The following ARHGAP15 variants were observed in gnomAD, a reference collection of about 807,000 sequenced individuals.
ARHGAP15 encodes the protein rho GTPase-activating protein 15.
Under a neutral mutation model 63.7 loss-of-function variants are expected in ARHGAP15, and 51 were observed. The ratio of observed to expected loss-of-function variants is 0.80; its 90% CI spans 0.64 to 1.01. ARHGAP15 has a LOEUF of 1.01. Among genes scored for constraint, ARHGAP15 ranks in the 50% least tolerant of loss-of-function variants. The pLI, the probability that ARHGAP15 is intolerant of heterozygous loss-of-function variation, is 0.00. For synonymous variants in ARHGAP15, 191 were observed against 193.8 expected (o/e 0.99, Z 0.12); for missense variants, 560 against 564.6 (o/e 0.99, Z 0.08).
chr2:143,225,807 C>G (rs999611038), intron 4 of ARHGAP15, among the ~76,000 whole-genome samples: 3 of 152,092 alleles, frequency 2.0e-5, no homozygotes, highest in African/African-American at 7.2e-5. Context: ...TGAAGCTAAG[C>G]ATAAACTAGA....
intron 12 of ARHGAP15, among the ~76,000 whole-genome samples, chr2:143,654,719 A>G (rs1404647793): frequency 1.3e-5 from 2 of 152,178 alleles, no homozygotes; most frequent in African/African-American, 2.4e-5. Flanking sequence ...AAGGGTTTTT[A>G]TTCTAAATCT....
intron 1 of ARHGAP15, among the ~76,000 whole-genome samples, chr2:143,150,819 TG>T (rs984027734): frequency 1.3e-5 from 2 of 151,732 alleles, no homozygotes; most frequent in Non-Finnish European, 2.9e-5. Flanking sequence ...ATGACATGAG[TG>T]GGTAACGTGT....
intron 12 of ARHGAP15, among the ~76,000 whole-genome samples, chr2:143,648,362 C>G (rs1470709990): frequency 6.6e-6 from 1 of 151,994 alleles, no homozygotes. Context: ...CAGTATTAGG[C>G]AGATCTAAGT....
chr2:143,350,225 T>A (rs920850862), intron 6 of ARHGAP15, among the ~76,000 whole-genome samples: 1 of 152,304 alleles, frequency 6.6e-6, no homozygotes, highest in African/African-American at 2.4e-5. Flanking sequence ...GCATATTTTT[T>A]AAAAAGCATA....
chr2:143,491,595 C>A (rs1692582880), intron 9 of ARHGAP15, among the ~76,000 whole-genome samples: 2 of 152,142 alleles, frequency 1.3e-5, no homozygotes, highest in Non-Finnish European at 2.9e-5. Flanking sequence ...AAATAGCACA[C>A]CTCAGGGATT....
intron 6 of ARHGAP15, among the ~76,000 whole-genome samples, chr2:143,308,514 ATACAC>A (rs1683286129): frequency 1.3e-5 from 2 of 151,812 alleles, no homozygotes; most frequent in Non-Finnish European, 2.9e-5. Flanking sequence ...ACACTACACA[ATACAC>A]TACACAGTGC....
chr2:143,424,557 T>C (rs1417664070), intron 6 of ARHGAP15, among the ~76,000 whole-genome samples: 1 of 152,018 alleles, frequency 6.6e-6, no homozygotes, highest in East Asian at 1.9e-4. Context: ...AGATGCTGTA[T>C]ACTTTCCTTC....
chr2:143,576,290 G>A (rs1422542050), intron 11 of ARHGAP15, among the ~76,000 whole-genome samples: 1 of 152,054 alleles, frequency 6.6e-6, no homozygotes, highest in African/African-American at 2.4e-5. Flanking sequence ...GCTGAGGCAG[G>A]AAAGACAAAT....
At chr2:143,201,020 C>A (rs7607591) in intron 2 of ARHGAP15, among the ~76,000 whole-genome samples, 5 of 151,968 alleles carry the variant, frequency 3.3e-5, no homozygotes, top group Non-Finnish European at 5.9e-5. Flanking sequence ...TTGTTTCTAC[C>A]CCACGATATA....
intron 12 of ARHGAP15, among the ~76,000 whole-genome samples, chr2:143,639,968 A>G (rs1680529050): frequency 6.6e-6 from 1 of 152,166 alleles, no homozygotes; most frequent in Non-Finnish European, 1.5e-5. Context: ...GGGACATTTT[A>G]AAATAAAATT....
intron 2 of ARHGAP15, among the ~76,000 whole-genome samples, chr2:143,173,192 A>G (rs570713143): frequency 2.0e-5 from 3 of 152,278 alleles, no homozygotes; most frequent in African/African-American, 7.2e-5. Context: ...ATTGGTATAT[A>G]TGACCTAAAA....
intron 2 of ARHGAP15, 126 bp from the exon 3 acceptor site, chr2:143,202,008 C>G (rs957092620): frequency 1.3e-6 from 1 of 759,400 alleles, no homozygotes. Flanking sequence ...AAAACATTTA[C>G]TTCTCATTTT....
chr2:143,538,395 G>A (rs1694879586), intron 10 of ARHGAP15, among the ~76,000 whole-genome samples: 1 of 152,068 alleles, frequency 6.6e-6, no homozygotes, highest in Non-Finnish European at 1.5e-5. Flanking sequence ...TGATTACCCT[G>A]GCCAGAACTT....
intron 6 of ARHGAP15, among the ~76,000 whole-genome samples, chr2:143,301,804 G>A: frequency 6.6e-6 from 1 of 151,460 alleles, no homozygotes; most frequent in East Asian, 1.9e-4. Flanking sequence ...CATCCGTCTA[G>A]ATATATATGT....
At chr2:143,298,308 T>C (rs555430218) in intron 6 of ARHGAP15, among the ~76,000 whole-genome samples, 121 of 152,092 alleles carry the variant, frequency 8.0e-4, no homozygotes, top group African/African-American at 2.8e-3. Context: ...ACACCTCAAA[T>C]TGATGTAATC....
At chr2:143,415,770 T>C (rs1688647628) in intron 6 of ARHGAP15, among the ~76,000 whole-genome samples, 1 of 152,152 alleles carries the variant, frequency 6.6e-6, no homozygotes, top group African/African-American at 2.4e-5. Context: ...GTGGTATATA[T>C]ATACAATGGA....
intron 3 of ARHGAP15, among the ~76,000 whole-genome samples, chr2:143,209,342 T>G (rs1692478375): frequency 6.6e-6 from 1 of 152,160 alleles, no homozygotes; most frequent in South Asian, 2.1e-4. Context: ...TCTCTAAGTT[T>G]TCATTATTTC....
intron 6 of ARHGAP15, among the ~76,000 whole-genome samples, chr2:143,396,607 G>A (rs1057233816): frequency 3.3e-5 from 4 of 120,060 alleles, no homozygotes; most frequent in African/African-American, 1.0e-4. Flanking sequence ...AAAGAAAAAG[G>A]GATTTAAGTT....
chr2:143,392,864 A>C (rs1234681163), intron 6 of ARHGAP15, among the ~76,000 whole-genome samples: 3 of 152,062 alleles, frequency 2.0e-5, no homozygotes, highest in African/African-American at 4.8e-5. Flanking sequence ...AGTAATTAGA[A>C]ACTTTTTTTC....
Sources: allele counts gnomAD v4.1 joint callset (sites outside exome capture counted in the v4.1 genomes callset), GRCh38; gene constraint gnomAD v4.1.1; transcripts MANE v1.5; gene names NCBI Gene and HGNC (gene_info 2026-07-23, HGNC 2026-07-21).